MED15: variants seen among roughly 807,000 people sequenced by gnomAD.
The protein encoded by MED15 is mediator complex subunit 15, also known as mediator of RNA polymerase II transcription subunit 15.
Under a neutral mutation model 118.7 loss-of-function variants are expected in MED15, and 41 were observed. That is an observed-to-expected ratio of 0.35 (90% CI 0.27 to 0.45). The LOEUF (loss-of-function observed/expected upper bound fraction) is 0.45. MED15 is among the 20% of genes least tolerant of loss of function. MED15 has a pLI of 1.00. For synonymous variants in MED15, 436 were observed against 413.9 expected (o/e 1.05, Z -0.65); for missense variants, 740 against 1,025.5 (o/e 0.72, Z 3.80).
chr22:20,535,326 C>T (rs1270979994), intron 1 of MED15, among the ~76,000 whole-genome samples: 1 of 152,168 alleles, frequency 6.6e-6, no homozygotes, highest in Non-Finnish European at 1.5e-5. Flanking sequence ...TACATTAAGA[C>T]AGATGTATGC....
In MED15 at chr22:20,555,160, A is replaced by C; in HGVS notation, c.451+12A>C. ...GGCAACTCCACAGAGTGAGTACCAC[A>C]CTTCTTGGAGGATTTGCCGCTTTCC... is the stretch of plus-strand genomic sequence containing the variant. On this transcript the variant is annotated intron_variant, in intron 5 of 17. Transcript: ENST00000263205. The C allele has an allele frequency of 6.3e-7, 1 of 1,575,826 alleles. No homozygotes were observed. The highest frequency in any genetic ancestry group is 8.6e-7 in the Non-Finnish European group (1 of 1,160,708).
intron 1 of MED15, among the ~76,000 whole-genome samples, chr22:20,513,089 A>G (rs1334098132): frequency 6.6e-6 from 1 of 151,448 alleles, no homozygotes; most frequent in Non-Finnish European, 1.5e-5. Flanking sequence ...TATTTTTTTA[A>G]GAGACAGGGT....
At chr22:20,580,869 C>T (rs188960746) in intron 9 of MED15, among the ~76,000 whole-genome samples, 1 of 152,346 alleles carries the variant, frequency 6.6e-6, no homozygotes, top group Non-Finnish European at 1.5e-5. Context: ...CCGTTTCTGA[C>T]CTTGCTAACC....
chr22:20,556,037 G>T (rs2055990625), intron 5 of MED15, among the ~76,000 whole-genome samples: 2 of 152,098 alleles, frequency 1.3e-5, no homozygotes, highest in South Asian at 2.1e-4. Context: ...GACCTATCTT[G>T]ATGTATCCTT....
chr22:20,562,561 T>G (rs1399110469), intron 5 of MED15, among the ~76,000 whole-genome samples: 2 of 152,102 alleles, frequency 1.3e-5, no homozygotes, highest in African/African-American at 4.8e-5. Context: ...TTTTTGTATT[T>G]TTAGTAGAGA....
At chr22:20,549,013 C>G (rs909289573) in intron 2 of MED15, among the ~76,000 whole-genome samples, 3 of 152,190 alleles carry the variant, frequency 2.0e-5, no homozygotes, top group African/African-American at 4.8e-5. Flanking sequence ...GTTGCCCAGG[C>G]TGGTCTTAAA....
intron 5 of MED15, among the ~76,000 whole-genome samples, chr22:20,562,743 A>T (rs1420951625): frequency 2.6e-5 from 4 of 152,126 alleles, no homozygotes; most frequent in Admixed American, 6.6e-5. Context: ...TAAATTAAAA[A>T]TTTTTTACAC....
rs187243935 is a variant in MED15 at position 20,509,212 on chromosome 22, G to A, written c.68+1466G>A. Among the ~76,000 whole-genome samples the A allele has an allele frequency of 7.9e-5, 12 of 152,216 alleles. No homozygotes were observed. In the East Asian group the frequency reaches 2.1e-3, roughly 27 times the overall value. On this transcript the variant is annotated intron_variant, in intron 1 of 17. Coordinates refer to ENST00000263205, the MANE Select transcript of MED15 (RefSeq NM_001003891.3). Reference sequence around the variant, plus strand: ...GTGAGCAGGTACTAGCACTTTAGTGGGGGTGTTGTGCCAAGGAATTGAGCC... The same window carrying A: ...GTGAGCAGGTACTAGCACTTTAGTGAGGGTGTTGTGCCAAGGAATTGAGCC...
At chr22:20,542,162 G>T (rs1273460071) in intron 2 of MED15, among the ~76,000 whole-genome samples, 4 of 152,186 alleles carry the variant, frequency 2.6e-5, no homozygotes, top group Non-Finnish European at 4.4e-5. Context: ...CAGTATGACA[G>T]TTCATCAAAA....
At chr22:20,569,372 G>A (rs138517875) in intron 8 of MED15, among the ~76,000 whole-genome samples, 2 of 152,316 alleles carry the variant, frequency 1.3e-5, no homozygotes, top group East Asian at 1.9e-4. Context: ...GTCCTGACTC[G>A]GAAGGGGCGT....
At chr22:20,546,593 C>T (rs536130944) in intron 2 of MED15, among the ~76,000 whole-genome samples, 1 of 148,258 alleles carries the variant, frequency 6.7e-6, no homozygotes, top group East Asian at 2.1e-4. Context: ...TTCAGGACCT[C>T]CAGGAATGCT....
At chr22:20,534,894 G>A (rs1470652033) in intron 1 of MED15, among the ~76,000 whole-genome samples, 1 of 152,206 alleles carries the variant, frequency 6.6e-6, no homozygotes, top group East Asian at 1.9e-4. Context: ...ACACCTGGAT[G>A]CCTTGTGAGC....
At chr22:20,523,324 G>A (rs1331086092) in intron 1 of MED15, among the ~76,000 whole-genome samples, 2 of 151,644 alleles carry the variant, frequency 1.3e-5, no homozygotes, top group East Asian at 1.9e-4. Flanking sequence ...ATCATCCCAC[G>A]GGCTTGAGAT....
chr22:20,583,538 G>C (rs553855834), intron 13 of MED15, 145 bp downstream of exon 13: 2 of 927,890 alleles, frequency 2.2e-6, no homozygotes, highest in East Asian at 2.5e-5. Flanking sequence ...CTCCACTCTG[G>C]TGTGTGCTGG....
intron 1 of MED15, among the ~76,000 whole-genome samples, chr22:20,521,400 G>GTT (rs202059304): frequency 1.4e-5 from 2 of 144,340 alleles, no homozygotes; most frequent in African/African-American, 2.6e-5. Flanking sequence ...CCCAGCCTGT[G>GTT]TTTTTGTTTT....
intron 1 of MED15, among the ~76,000 whole-genome samples, chr22:20,525,592 A>G (rs2054612367): frequency 7.0e-6 from 1 of 142,030 alleles, no homozygotes; most frequent in Non-Finnish European, 1.5e-5. Flanking sequence ...GCTGGAGTAC[A>G]GTGGCACGAT....
chr22:20,553,269 C>T lies in MED15; in HGVS notation c.238+95C>T. On this transcript the variant is annotated intron_variant, in intron 4 of 17. Coordinates refer to ENST00000263205, the MANE Select transcript of MED15 (RefSeq NM_001003891.3). ...GCATGCCTCATGTGCCTGGGTTAAC[C>T]TGTCACTAGAGGAGAATGCTTGCGG... 12 of 1,307,962 alleles carry T rather than the reference C, an allele frequency of 9.2e-6. No homozygotes were observed. In the South Asian group the frequency reaches 1.4e-4, roughly 15 times the overall value. 81.0% of individuals were successfully genotyped at this position (1,307,962 alleles called of 1,614,324 possible). A position where few individuals can be genotyped will look rare whatever the true frequency, so the allele number is the denominator to read the frequency against.
At chr22:20,550,964 T>C (rs912143578) in intron 2 of MED15, 3 of 359,036 alleles carry the variant, frequency 8.4e-6, no homozygotes, top group Admixed American at 7.4e-5. Context: ...TTTCAGCAGA[T>C]ACTGCGTCAT....
At chr22:20,534,261 G>C (rs574492971) in intron 1 of MED15, among the ~76,000 whole-genome samples, 1 of 151,986 alleles carries the variant, frequency 6.6e-6, no homozygotes, top group Admixed American at 6.6e-5. Flanking sequence ...TCTCCCTATT[G>C]GTCCCAGTGC....
Sources: allele counts gnomAD v4.1 joint callset (sites outside exome capture counted in the v4.1 genomes callset), GRCh38; gene constraint gnomAD v4.1.1; transcripts MANE v1.5; gene names NCBI Gene and HGNC (gene_info 2026-07-23, HGNC 2026-07-21).